Variants in XKR4 observed in about 807,000 individuals in gnomAD.
The protein encoded by XKR4 is XK related 4, also known as XK-related protein 4.
Under a neutral mutation model 53.9 loss-of-function variants are expected in XKR4, and 12 were observed. The observed-to-expected ratio is 0.22, with a 90% CI of 0.14 to 0.36. The LOEUF is 0.36. Among genes scored for constraint, XKR4 ranks in the 10% least tolerant of loss-of-function variants. The probability of loss-of-function intolerance (pLI) is 1.00; values close to 1 mark genes in which losing one functional copy is unlikely to be tolerated. For synonymous variants in XKR4, 354 were observed against 362.4 expected, an observed-to-expected ratio of 0.98 and a Z score of 0.26; for missense variants, 799 against 859.5, an observed-to-expected ratio of 0.93 and a Z score of 0.88.
intron 2 of XKR4, among the ~76,000 whole-genome samples, chr8:55,391,340 A>G (rs1370280866): frequency 6.6e-6 from 1 of 152,242 alleles, no homozygotes; most frequent in East Asian, 1.9e-4. Context: ...TATAACAACA[A>G]AAATTGGAAT....
intron 2 of XKR4, among the ~76,000 whole-genome samples, chr8:55,493,989 C>T (rs186540562): frequency 1.5e-4 from 23 of 152,264 alleles, no homozygotes; most frequent in Admixed American, 3.9e-4. Flanking sequence ...TGCCTTTGCC[C>T]GAGTTTTGCT....
intron 1 of XKR4, among the ~76,000 whole-genome samples, chr8:55,192,126 T>C (rs2129361093): frequency 6.6e-6 from 1 of 151,548 alleles, no homozygotes; most frequent in South Asian, 2.1e-4. Flanking sequence ...CACTACTATA[T>C]ACTTTTGTTT....
At position 55,383,652 on chromosome 8, in the gene XKR4, A is replaced by C. The variant is rs1181896921; in HGVS notation, c.1006+25775A>C. On this transcript the variant is annotated intron_variant, in intron 2 of 2. Transcript: ENST00000327381. ...ATGATCCAATTTTTCTAATAATTAG[A>C]ACAGTGTTCTAATTGTTCATGTATT... 2.0e-5 allele frequency among the ~76,000 whole-genome samples: 3 copies of C among 152,206 alleles called. No individual in the cohort carries two copies. The East Asian group carries it at 5.8e-4, about 29-fold the overall frequency.
At chr8:55,394,226 T>C (rs573837459) in intron 2 of XKR4, among the ~76,000 whole-genome samples, 1 of 152,292 alleles carries the variant, frequency 6.6e-6, no homozygotes, top group East Asian at 1.9e-4. Flanking sequence ...ATATTAGTTA[T>C]GCGCTATCGA....
intron 2 of XKR4, among the ~76,000 whole-genome samples, chr8:55,406,283 C>T (rs1438431210): frequency 1.3e-5 from 2 of 152,198 alleles, no homozygotes; most frequent in Non-Finnish European, 2.9e-5. Context: ...TCCAGCCTTT[C>T]CATTCCATAT....
chr8:55,475,052 C>A (rs1805957563), intron 2 of XKR4, among the ~76,000 whole-genome samples: 1 of 152,022 alleles, frequency 6.6e-6, no homozygotes, highest in South Asian at 2.1e-4. Flanking sequence ...AAAACAATAA[C>A]CTAAGAACTT....
intron 2 of XKR4, among the ~76,000 whole-genome samples, chr8:55,497,987 C>T (rs548558856): frequency 3.3e-5 from 5 of 152,346 alleles, no homozygotes; most frequent in African/African-American, 2.4e-5. Flanking sequence ...TGGTCACACC[C>T]ACTCCAGGCT....
intron 2 of XKR4, among the ~76,000 whole-genome samples, chr8:55,520,434 A>T (rs1199747998): frequency 1.3e-5 from 2 of 152,122 alleles, no homozygotes; most frequent in African/African-American, 4.8e-5. Context: ...AAAAATACAA[A>T]ACTTAGCCAG....
At chr8:55,116,256 G>A (rs760692481) in intron 1 of XKR4, among the ~76,000 whole-genome samples, 5 of 152,106 alleles carry the variant, frequency 3.3e-5, no homozygotes, top group Admixed American at 1.3e-4. Context: ...GTATCTACAC[G>A]GAGAAAGAAC....
intron 1 of XKR4, among the ~76,000 whole-genome samples, chr8:55,289,699 A>AAGAAAGAAAGAAAG (rs1818972020): frequency 1.5e-4 from 19 of 125,598 alleles, no homozygotes; most frequent in African/African-American, 5.3e-4. Flanking sequence ...AAGAAAGAGA[A>AAGAAAGAAAGAAAG]AGAAAGAAAG....
chr8:55,525,113 T>C lies in XKR4; in HGVS notation c.*886T>C, dbSNP rs1211612308. 2 of 152,582 alleles carry C rather than the reference T, an allele frequency of 1.3e-5. No individual in the cohort carries two copies. Among genetic ancestry groups the C allele is most frequent in the African/African-American group, 4.8e-5 (2 of 41,444 alleles). The allele number at this position is 152,582 out of a possible 1,614,324, so 9.5% of individuals were successfully genotyped here. On this transcript the variant is annotated 3_prime_UTR_variant, in exon 3 of 3. Transcript: ENST00000327381. ...GATTCCCAGGCATGTGCAGCGCCCA[T>C]TGGGACATAACGGCAGTGCGGCGCG...
chr8:55,263,704 T>C (rs1470384907), intron 1 of XKR4, among the ~76,000 whole-genome samples: 2 of 152,244 alleles, frequency 1.3e-5, no homozygotes, highest in East Asian at 3.8e-4. Context: ...TATGAATTTC[T>C]TTCTTTCACC....
chr8:55,273,900 A>G (rs1380971525), intron 1 of XKR4, among the ~76,000 whole-genome samples: 1 of 152,212 alleles, frequency 6.6e-6, no homozygotes, highest in South Asian at 2.1e-4. Context: ...GGCAGCAGGC[A>G]AGGTGAACCC....
At chr8:55,217,447 A>G (rs1817819090) in intron 1 of XKR4, among the ~76,000 whole-genome samples, 1 of 152,186 alleles carries the variant, frequency 6.6e-6, no homozygotes, top group East Asian at 1.9e-4. Context: ...TGGAAGCCAT[A>G]AGATCTCCTA....
chr8:55,351,111 T>C (rs1360133127), intron 1 of XKR4, among the ~76,000 whole-genome samples: 1 of 152,192 alleles, frequency 6.6e-6, no homozygotes, highest in Non-Finnish European at 1.5e-5. Flanking sequence ...AGCAATGTGA[T>C]GGCACTTCAC....
chr8:55,253,599 C>T (rs1406211832), intron 1 of XKR4, among the ~76,000 whole-genome samples: 2 of 152,174 alleles, frequency 1.3e-5, no homozygotes, highest in African/African-American at 2.4e-5. Context: ...TTATGATGAA[C>T]TTTAATGCAG....
At chr8:55,338,568 C>G (rs1803498799) in intron 1 of XKR4, among the ~76,000 whole-genome samples, 2 of 152,204 alleles carry the variant, frequency 1.3e-5, no homozygotes, top group Non-Finnish European at 2.9e-5. Context: ...CTCTTATTTA[C>G]ACATTGTTTC....
chr8:55,125,502 G>A (rs1816452601), intron 1 of XKR4, among the ~76,000 whole-genome samples: 1 of 152,156 alleles, frequency 6.6e-6, no homozygotes, highest in African/African-American at 2.4e-5. Context: ...CCAAAGTCCT[G>A]GGATTACAGG....
At chr8:55,523,155 A>AAAG (rs1806824685) in intron 2 of XKR4, 126 bp from the exon 3 acceptor site, 14 of 860,638 alleles carry the variant, frequency 1.6e-5, no homozygotes, top group Non-Finnish European at 2.3e-5. Context: ...AAAAAAAAAA[A>AAAG]AAAGAAATTA....
Sources: gnomAD v4.1 joint callset for allele counts (sites outside exome capture counted in the v4.1 genomes callset) on GRCh38, gnomAD v4.1.1 for gene constraint, MANE v1.5 for transcripts, NCBI Gene and HGNC (gene_info 2026-07-23, HGNC 2026-07-21) for gene names.